Variants in ESRRB observed in about 807,000 individuals in gnomAD.
The protein encoded by ESRRB is estrogen related receptor beta, also known as steroid hormone receptor ERR2.
In ESRRB, 16 loss-of-function variants were observed where a neutral mutation model predicts 46.0. The ratio of observed to expected loss-of-function variants is 0.35; its 90% CI spans 0.24 to 0.53. ESRRB has a LOEUF of 0.53. ESRRB is among the 20% of genes least tolerant of loss of function. The pLI is 0.93. For missense variants in ESRRB, 488 were observed against 607.4 expected (o/e 0.80, Z 2.07); for synonymous variants, 246 against 259.6 (o/e 0.95, Z 0.50).
At chr14:76,350,392 G>T (rs1298577822) in intron 1 of ESRRB, among the ~76,000 whole-genome samples, 1 of 152,162 alleles carries the variant, frequency 6.6e-6, no homozygotes, top group African/African-American at 2.4e-5. Flanking sequence ...AGAGAGACAG[G>T]ACATATGCCT....
intron 1 of ESRRB, among the ~76,000 whole-genome samples, chr14:76,387,826 G>A (rs1885300812): frequency 6.6e-6 from 1 of 152,234 alleles, no homozygotes; most frequent in South Asian, 2.1e-4. Context: ...TCTGAGGGGG[G>A]ATAGGAGAGC....
intron 2 of ESRRB, among the ~76,000 whole-genome samples, chr14:76,455,074 A>G (rs1363782157): frequency 6.8e-6 from 1 of 146,534 alleles, no homozygotes; most frequent in Non-Finnish European, 1.5e-5. Context: ...AAAATTAGCC[A>G]GGTGTGGTGG....
intron 1 of ESRRB, among the ~76,000 whole-genome samples, chr14:76,343,023 A>AC (rs1884210175): frequency 6.6e-6 from 1 of 152,246 alleles, no homozygotes; most frequent in Middle Eastern, 3.2e-3. Flanking sequence ...AGGGATCCAG[A>AC]AGATCCCCTA....
At chr14:76,417,755 T>C (rs1382362081) in intron 1 of ESRRB, among the ~76,000 whole-genome samples, 2 of 152,038 alleles carry the variant, frequency 1.3e-5, no homozygotes, top group African/African-American at 4.8e-5. Context: ...GCAGTGGATC[T>C]GTGGTGCAAA....
intron 1 of ESRRB, among the ~76,000 whole-genome samples, chr14:76,391,373 T>C (rs543807212): frequency 5.1e-4 from 77 of 152,364 alleles, no homozygotes; most frequent in South Asian, 1.9e-3. Flanking sequence ...GGCAGTTCAG[T>C]GACTCAGATA....
At position 76,482,627 on chromosome 14, in the gene ESRRB, G is replaced by T. The variant is rs779133032; in HGVS notation, c.718G>T (p.Ala240Ser). Residue 240 changes from alanine (A) to serine (S), a missense_variant, in exon 5 of 7, where the codon GCT (alanine) becomes TCT (serine). By Grantham distance (99) the Ala-to-Ser change is moderately conservative. Transcript: ENST00000644823. This position sits in a 1 kb window ranked among gnomAD's most constrained non-coding sequence, Gnocchi z 4.3. Reference sequence around the variant, plus strand: ...CAAGATTGTCTCATACCTACTGGTGGCTGAGCCGGACAAGCTCTATGCCAT... The same window carrying T: ...CAAGATTGTCTCATACCTACTGGTGTCTGAGCCGGACAAGCTCTATGCCAT... ...LTKIVSYLLV[A>S]EPDKLYAMPP... 1 of 1,614,116 alleles carries T rather than the reference G, an allele frequency of 6.2e-7. No homozygotes were observed. Among genetic ancestry groups the T allele is most frequent in the South Asian group, 1.1e-5 (1 of 91,078 alleles).
intron 1 of ESRRB, among the ~76,000 whole-genome samples, chr14:76,353,108 T>C (rs1344350559): frequency 3.9e-5 from 6 of 152,242 alleles, no homozygotes; most frequent in Admixed American, 6.5e-5. Context: ...AAAAGCTGCC[T>C]CGCTCTGCGG....
At chr14:76,450,309 A>G (rs1328365019) in intron 2 of ESRRB, among the ~76,000 whole-genome samples, 1 of 152,160 alleles carries the variant, frequency 6.6e-6, no homozygotes, top group Non-Finnish European at 1.5e-5. Context: ...AGTGTCAGTG[A>G]GCAAAGGCAA....
chr14:76,403,332 T>G (rs1462684238), intron 1 of ESRRB, among the ~76,000 whole-genome samples: 1 of 152,158 alleles, frequency 6.6e-6, no homozygotes, highest in Non-Finnish European at 1.5e-5. Context: ...CTACCCTGAT[T>G]CCCACTGTGT....
chr14:76,482,478 C>A lies in ESRRB; in HGVS notation c.689-120C>A. On this transcript the variant is annotated intron_variant, in intron 4 of 6. Coordinates refer to ENST00000644823, the MANE Select transcript of ESRRB (RefSeq NM_001379180.1). The surrounding 1 kb of genome is among the most constrained non-coding windows in gnomAD (Gnocchi z 4.3). ...GCCAGAACAGGAGGGGAGATTATAG[C>A]CGCTTTGACCTTCCTGGAGCTCTTA... 2 of 965,110 alleles carry A rather than the reference C, an allele frequency of 2.1e-6. No individual in the cohort carries two copies. The highest frequency in any genetic ancestry group is 3.2e-6 in the Non-Finnish European group (2 of 620,602). The allele number at this position is 965,110 out of a possible 1,614,324, so 59.8% of individuals were successfully genotyped here.
intron 1 of ESRRB, among the ~76,000 whole-genome samples, chr14:76,318,076 A>T (rs1356768922): frequency 1.3e-5 from 2 of 152,036 alleles, no homozygotes; most frequent in African/African-American, 4.8e-5. Context: ...AAGTTTCCAA[A>T]CTCTGCATTT....
intron 1 of ESRRB, among the ~76,000 whole-genome samples, chr14:76,437,267 C>A (rs11159207): frequency 0.4 from 60,934 of 151,930 alleles, 12,622 homozygotes; most frequent in East Asian, 0.51. Flanking sequence ...CCTGACCTCA[C>A]GTGATCCACC....
chr14:76,463,082 T>C (rs904460240), intron 3 of ESRRB: 13 of 262,328 alleles, frequency 5.0e-5, no homozygotes, highest in Non-Finnish European at 8.2e-5. Context: ...CTGTGAAGAA[T>C]GGCATTTGTT....
chr14:76,408,591 CAAAAAA>C (rs35955826), intron 1 of ESRRB, among the ~76,000 whole-genome samples: 4,355 of 41,916 alleles, frequency 0.1, 57 homozygotes, highest in South Asian at 0.15. Context: ...GACCCTGTCT[CAAAAAA>C]AAAAAAAAAA....
chr14:76,439,806 T>A, intron 2 of ESRRB, 56 bp downstream of exon 2: 1 of 1,583,450 alleles, frequency 6.3e-7, no homozygotes, highest in East Asian at 2.3e-5. Context: ...CAGCCGTGCC[T>A]GCGGGTCTGG....
In ESRRB at chr14:76,310,990, C is replaced by G. The variant is rs970820615; in HGVS notation, c.2+74C>G. The G allele has an allele frequency of 2.1e-5, 7 of 330,376 alleles. No individual in the cohort carries two copies. In the East Asian group the frequency reaches 3.6e-4, roughly 17 times the overall value. 20.5% of individuals were successfully genotyped at this position (330,376 alleles called of 1,614,324 possible). ...TTTTCTGTCCCCTTTCTCTCTCTCT[C>G]TCTCTCTCTCTCTCTCTCTCTCTCT... On this transcript the variant is annotated intron_variant, in intron 1 of 6. Transcript: ENST00000512784.
intron 1 of ESRRB, among the ~76,000 whole-genome samples, chr14:76,434,605 A>G (rs1595114003): frequency 6.6e-6 from 1 of 151,758 alleles, no homozygotes; most frequent in East Asian, 1.9e-4. Context: ...GGTTGCAGTG[A>G]GCCAAGATCG....
At chr14:76,386,482 A>G (rs959811755) in intron 1 of ESRRB, among the ~76,000 whole-genome samples, 1 of 130,896 alleles carries the variant, frequency 7.6e-6, no homozygotes, top group African/African-American at 3.0e-5. Context: ...TTTGCGACAG[A>G]GTCTCACTCT....
chr14:76,420,568 T>TGC (rs200608319), intron 1 of ESRRB, among the ~76,000 whole-genome samples: 5 of 150,628 alleles, frequency 3.3e-5, no homozygotes, highest in African/African-American at 1.2e-4. Context: ...AGTGTGTGTG[T>TGC]GTGTGTGTGT....
Sources: allele counts gnomAD v4.1 joint callset (sites outside exome capture counted in the v4.1 genomes callset), GRCh38; gene constraint gnomAD v4.1.1; non-coding constraint Gnocchi (gnomAD v3.1); transcripts MANE v1.5; gene names NCBI Gene and HGNC (gene_info 2026-07-23, HGNC 2026-07-21).